Variants in STON1 observed in about 807,000 individuals in gnomAD.
The protein encoded by STON1 is stonin 1, also known as stonin-1.
STON1 carries 79 observed loss-of-function variants against 60.9 expected under a neutral mutation model. The ratio of observed to expected loss-of-function variants is 1.30; its 90% CI spans 1.08 to 1.56. STON1 has a LOEUF of 1.56. STON1 is among the 40% of genes most tolerant of loss of function. The pLI, the probability that STON1 is intolerant of heterozygous loss-of-function variation, is 0.00. For synonymous variants in STON1, 363 were observed against 306.9 expected (o/e 1.18, Z -1.91); for missense variants, 1,166 against 858.9 (o/e 1.36, Z -4.47).
At chr2:48,531,909 T>C (rs934529556) in intron 1 of STON1, 6 of 152,236 alleles carry the variant, frequency 3.9e-5, no homozygotes, top group African/African-American at 1.4e-4. Context: ...AAAGATTTTA[T>C]TTTATTTGAA....
At chr2:48,547,503 G>T (rs913422826) in intron 1 of STON1, among the ~76,000 whole-genome samples, 4 of 152,202 alleles carry the variant, frequency 2.6e-5, no homozygotes, top group Non-Finnish European at 5.9e-5. Context: ...GCCCTGAGGC[G>T]GGGATAGCAG....
chr2:48,596,046 A>T lies in STON1; in HGVS notation c.*744A>T, dbSNP rs567465828. On this transcript the variant is annotated 3_prime_UTR_variant, in exon 4 of 4. Transcript: ENST00000404752. ...AGGATTCCTTTCAAAATGGAATCTG[A>T]GTATTAGACACTAGTTAACATATTT... The T allele has an allele frequency of 6.6e-6, 1 of 152,326 alleles. No homozygotes were observed. The highest frequency in any genetic ancestry group is 1.5e-5 in the Non-Finnish European group (1 of 68,026). The allele number at this position is 152,326 out of a possible 1,614,324, so 9.4% of individuals were successfully genotyped here.
intron 1 of STON1, among the ~76,000 whole-genome samples, chr2:48,573,279 C>T (rs1395736258): frequency 1.3e-5 from 2 of 152,196 alleles, no homozygotes; most frequent in Non-Finnish European, 2.9e-5. Context: ...AGGAGGATCA[C>T]TTCAGCCCAG....
At chr2:48,594,581 A>G (rs888334896) in intron 3 of STON1, among the ~76,000 whole-genome samples, 1 of 152,142 alleles carries the variant, frequency 6.6e-6, no homozygotes, top group Non-Finnish European at 1.5e-5. Context: ...ATAAATAAAT[A>G]TGATTTCAAC....
chr2:48,545,698 T>C (rs1671837103), intron 1 of STON1, among the ~76,000 whole-genome samples: 1 of 152,232 alleles, frequency 6.6e-6, no homozygotes, highest in African/African-American at 2.4e-5. Flanking sequence ...TCTGTTTGTC[T>C]TCTGATTTGT....
chr2:48,577,371 G>A (rs1355377673), intron 1 of STON1, among the ~76,000 whole-genome samples: 2 of 151,720 alleles, frequency 1.3e-5, no homozygotes, highest in Admixed American at 6.6e-5. Context: ...TCACGAGGTC[G>A]GGAGTTTGAG....
At chr2:48,595,019 C>T (rs1173477428) in intron 3 of STON1, among the ~76,000 whole-genome samples, 1 of 151,828 alleles carries the variant, frequency 6.6e-6, no homozygotes, top group African/African-American at 2.4e-5. Context: ...AAGACTTGAC[C>T]CTGGCGGGGA....
intron 1 of STON1, among the ~76,000 whole-genome samples, chr2:48,538,717 C>A (rs1403875266): frequency 6.7e-6 from 1 of 149,836 alleles, no homozygotes; most frequent in Non-Finnish European, 1.5e-5. Flanking sequence ...GTTGCCTCAG[C>A]CTCCCGAGTT....
intron 3 of STON1, among the ~76,000 whole-genome samples, chr2:48,592,936 T>A (rs925441655): frequency 6.6e-6 from 1 of 151,138 alleles, no homozygotes; most frequent in Non-Finnish European, 1.5e-5. Flanking sequence ...TAGTTTTAAA[T>A]GTTTGCCATC....
chr2:48,591,796 G>A lies in STON1; in HGVS notation c.2074G>A (p.Val692Met). The change falls in exon 3 of 4, where the codon GTG (valine) becomes ATG (methionine). Residue 692 changes from valine (V) to methionine (M), a missense_variant. Transcript: ENST00000404752. ...AAGGACAGAGGTCAGGTCTCTGGGA[G>A]TGGAGAGTGATGTCCAGCCACAGAA... ...ASRTEVRSLG[V>M]ESDVQPQKHV... 6.2e-7 allele frequency: 1 copy of A among 1,614,202 alleles called. No homozygotes were observed.
chr2:48,564,291 G>T (rs1008951934), intron 1 of STON1, among the ~76,000 whole-genome samples: 2 of 151,906 alleles, frequency 1.3e-5, no homozygotes, highest in Non-Finnish European at 2.9e-5. Context: ...TGAGGTCTAA[G>T]ATCAGGGTAC....
In STON1 at chr2:48,597,653, A is replaced by T. The variant is rs1483210773; in HGVS notation, c.*2351A>T. The stretch of plus-strand genomic sequence containing the variant: ...TAGCAAAAGCTGGACTAAAGCCCAA[A>T]TGGATTGTCTGTGGCAATGCAGAAG... On this transcript the variant is annotated 3_prime_UTR_variant, in exon 4 of 4. Coordinates refer to ENST00000404752, the MANE Select transcript of STON1 (RefSeq NM_006873.4). 1 of 152,660 alleles carries T rather than the reference A, an allele frequency of 6.6e-6. No individual in the cohort carries two copies. The highest frequency in any genetic ancestry group is 1.5e-5 in the Non-Finnish European group (1 of 68,046). The allele number at this position is 152,660 out of a possible 1,614,324, so 9.5% of individuals were successfully genotyped here. A position where few individuals can be genotyped will look rare whatever the true frequency, so the allele number is the denominator to read the frequency against.
chr2:48,570,095 G>C (rs1673124350), intron 1 of STON1, among the ~76,000 whole-genome samples: 1 of 152,176 alleles, frequency 6.6e-6, no homozygotes, highest in Non-Finnish European at 1.5e-5. Flanking sequence ...AGCGCATTGG[G>C]AGGCCAAGGC....
intron 1 of STON1, among the ~76,000 whole-genome samples, chr2:48,541,970 G>A (rs1169986541): frequency 6.6e-6 from 1 of 152,166 alleles, no homozygotes; most frequent in Non-Finnish European, 1.5e-5. Context: ...CTGTCCTTTA[G>A]ATTCTCTATA....
At chr2:48,564,529 T>C (rs1352761063) in intron 1 of STON1, among the ~76,000 whole-genome samples, 2 of 44,832 alleles carry the variant, frequency 4.5e-5, no homozygotes, top group African/African-American at 1.7e-4. Flanking sequence ...CTTCTTCTTC[T>C]TCTTCTTCTT....
Position 48,591,816 on chromosome 2 carries a change from A to C in STON1, c.2094A>C (p.Pro698=), listed in dbSNP as rs1331417712. ...RSLGVESDVQ[P]QKHVQQRACY... ...TGGGAGTGGAGAGTGATGTCCAGCC[A>C]CAGAAACATGTTCAGCAGCGAGCTT... is the stretch of plus-strand genomic sequence containing the variant. Residue 698 remains proline, a synonymous_variant, in exon 3 of 4, where the codon CCA becomes CCC. Coordinates refer to ENST00000404752, the MANE Select transcript of STON1 (RefSeq NM_006873.4). 6.2e-7 allele frequency: 1 copy of C among 1,614,084 alleles called. No homozygotes were observed. The highest frequency in any genetic ancestry group is 8.5e-7 in the Non-Finnish European group (1 of 1,180,036).
At chr2:48,545,195 T>G (rs1671818732) in intron 1 of STON1, among the ~76,000 whole-genome samples, 1 of 152,198 alleles carries the variant, frequency 6.6e-6, no homozygotes, top group African/African-American at 2.4e-5. Context: ...AGGTCAACAT[T>G]TTTATTCGGT....
intron 1 of STON1, among the ~76,000 whole-genome samples, chr2:48,534,154 A>G (rs972039313): frequency 2.0e-5 from 3 of 152,232 alleles, no homozygotes; most frequent in African/African-American, 4.8e-5. Context: ...TACTGGAATT[A>G]TGTGCATCAA....
rs1558604783 is a variant in STON1 at position 48,564,480 on chromosome 2, T to TTCTTCTTCTTCTTCTTCTTCTTCCTCTTC, written c.-47-16106_-47-16105insCTTCTTCTTCTTCTTCTTCTTCCTCTTCT. On this transcript the variant is annotated intron_variant, in intron 1 of 3. Transcript: ENST00000404752. ...CTTCTTCTTCTTCTTCTTCTTCTTC[T>TTCTTCTTCTTCTTCTTCTTCTTCCTCTTC]TTCTTCTTCTTCTTCTTCTTCTTCT... Among the ~76,000 whole-genome samples the TTCTTCTTCTTCTTCTTCTTCTTCCTCTTC allele has an allele frequency of 6.2e-5, 2 of 32,480 alleles. 1 individual carries two copies. The highest frequency in any genetic ancestry group is 1.3e-4 in the Non-Finnish European group (2 of 15,506). The allele number at this position is 32,480 out of a possible 152,430, so 21.3% of individuals were successfully genotyped here.
Sources: allele counts gnomAD v4.1 joint callset (sites outside exome capture counted in the v4.1 genomes callset), GRCh38; gene constraint gnomAD v4.1.1; transcripts MANE v1.5; gene names NCBI Gene and HGNC (gene_info 2026-07-23, HGNC 2026-07-21).